PDE11A: variants seen among roughly 807,000 people sequenced by gnomAD.
PDE11A encodes phosphodiesterase 11A.
Under a neutral mutation model 100.5 loss-of-function variants are expected in PDE11A, and 100 were observed. That is an observed-to-expected ratio of 1.00 (90% CI 0.85 to 1.18). The LOEUF (loss-of-function observed/expected upper bound fraction) is 1.18. Ranked by LOEUF, PDE11A falls within the 50% of genes most tolerant of loss-of-function variation. The pLI, the probability that PDE11A is intolerant of heterozygous loss-of-function variation, is 0.00. For synonymous variants in PDE11A, 381 were observed against 420.8 expected (o/e 0.91, Z 1.16); for missense variants, 1,141 against 1,152.6 (o/e 0.99, Z 0.15).
intron 10 of PDE11A, among the ~76,000 whole-genome samples, chr2:177,761,708 T>C (rs913545537): frequency 6.6e-6 from 1 of 152,156 alleles, no homozygotes; most frequent in Non-Finnish European, 1.5e-5. Flanking sequence ...TAGCGATTTA[T>C]ATATACAGAT....
At chr2:177,934,569 C>T (rs914632989) in intron 2 of PDE11A, among the ~76,000 whole-genome samples, 1 of 152,194 alleles carries the variant, frequency 6.6e-6, no homozygotes, top group Non-Finnish European at 1.5e-5. Context: ...CTGTGGAAAG[C>T]AGTTTAGAGA....
chr2:178,031,969 T>C (rs1193341566), intron 1 of PDE11A, among the ~76,000 whole-genome samples: 1 of 152,086 alleles, frequency 6.6e-6, no homozygotes, highest in Non-Finnish European at 1.5e-5. Context: ...GTGATAGTAA[T>C]ACAGGCATAG....
At position 177,627,468 on chromosome 2, in the gene PDE11A, G is replaced by C. The variant is rs1401376934; in HGVS notation, c.*1939C>G. On this transcript the variant is annotated 3_prime_UTR_variant, in exon 20 of 20. Transcript: ENST00000286063. ...TCAGACATTTCCTGAATTGTCTACT[G>C]TGTGCCAGGAAAACAATGTCGCATG... 3 of 151,930 alleles carry C rather than the reference G, an allele frequency of 2.0e-5. No individual in the cohort carries two copies. Among genetic ancestry groups the C allele is most frequent in the African/African-American group, 7.3e-5 (3 of 41,336 alleles). 9.4% of individuals were successfully genotyped at this position (151,930 alleles called of 1,614,324 possible). A position where few individuals can be genotyped will look rare whatever the true frequency, so the allele number is the denominator to read the frequency against.
At chr2:177,777,776 T>G (rs1274422538) in intron 9 of PDE11A, among the ~76,000 whole-genome samples, 1 of 152,176 alleles carries the variant, frequency 6.6e-6, no homozygotes, top group Non-Finnish European at 1.5e-5. Context: ...ATCAGTTAAT[T>G]TTTTCGACAG....
intron 1 of PDE11A, among the ~76,000 whole-genome samples, chr2:178,045,127 AC>A (rs2105852043): frequency 6.6e-6 from 1 of 152,316 alleles, no homozygotes; most frequent in Admixed American, 6.5e-5. Context: ...TTGCTTGTAT[AC>A]ACTAGAGCTT....
chr2:177,950,682 T>C (rs71423522), intron 2 of PDE11A, among the ~76,000 whole-genome samples: 9,556 of 152,250 alleles, frequency 0.063, 314 homozygotes, highest in South Asian at 0.094. Context: ...GAGGCCGAGT[T>C]GGGCAGATCA....
intron 15 of PDE11A, among the ~76,000 whole-genome samples, chr2:177,691,444 T>G (rs1201197108): frequency 2.0e-5 from 3 of 152,190 alleles, no homozygotes; most frequent in Non-Finnish European, 4.4e-5. Context: ...AAAGTGTGTT[T>G]GGAACTAGCT....
intron 1 of PDE11A, among the ~76,000 whole-genome samples, chr2:178,025,287 A>G (rs2086465070): frequency 6.6e-6 from 1 of 152,212 alleles, no homozygotes; most frequent in Non-Finnish European, 1.5e-5. Context: ...TACTTGCTAA[A>G]TGTTTAAAGG....
chr2:177,698,034 C>T (rs2081140748), intron 14 of PDE11A, among the ~76,000 whole-genome samples: 1 of 152,170 alleles, frequency 6.6e-6, no homozygotes, highest in Non-Finnish European at 1.5e-5. Flanking sequence ...CTACACATCC[C>T]ATGATGCACA....
intron 6 of PDE11A, among the ~76,000 whole-genome samples, chr2:177,838,121 T>C (rs111421210): frequency 0.075 from 11,349 of 152,258 alleles, 787 homozygotes; most frequent in African/African-American, 0.18. Flanking sequence ...ACAGATCCCA[T>C]TTTGTGAGAA....
intron 4 of PDE11A, chr2:177,888,639 C>A: frequency 2.2e-6 from 2 of 906,750 alleles, no homozygotes; most frequent in Non-Finnish European, 2.6e-6. Context: ...AGGCAATCCA[C>A]AAAACCAAGC....
At chr2:177,744,275 C>T (rs942836022) in intron 10 of PDE11A, among the ~76,000 whole-genome samples, 6 of 151,358 alleles carry the variant, frequency 4.0e-5, no homozygotes, top group African/African-American at 1.5e-4. Context: ...CCCCTGAAGT[C>T]TGTCTGTGAT....
intron 5 of PDE11A, among the ~76,000 whole-genome samples, chr2:177,874,472 C>A (rs773165692): frequency 2.0e-5 from 3 of 152,134 alleles, no homozygotes; most frequent in Non-Finnish European, 2.9e-5. Flanking sequence ...TATTTTTTAA[C>A]CCTTCCTCTA....
intron 1 of PDE11A, among the ~76,000 whole-genome samples, chr2:178,034,355 G>A (rs1172612743): frequency 6.6e-6 from 1 of 152,174 alleles, no homozygotes; most frequent in Non-Finnish European, 1.5e-5. Context: ...CCCAATACAG[G>A]AGCACTCAGA....
chr2:177,777,717 A>G (rs987586053), intron 9 of PDE11A, among the ~76,000 whole-genome samples: 2 of 152,220 alleles, frequency 1.3e-5, no homozygotes, highest in African/African-American at 2.4e-5. Context: ...TAAATATACT[A>G]TCATACTCTA....
At chr2:177,893,974 ATCT>A (rs1468743325) in intron 4 of PDE11A, among the ~76,000 whole-genome samples, 1 of 152,182 alleles carries the variant, frequency 6.6e-6, no homozygotes, top group African/African-American at 2.4e-5. Flanking sequence ...ATTCTTGCTA[ATCT>A]TCTAACTTGG....
At chr2:177,703,083 T>C (rs773816171) in intron 13 of PDE11A, among the ~76,000 whole-genome samples, 1 of 152,192 alleles carries the variant, frequency 6.6e-6, no homozygotes, top group Non-Finnish European at 1.5e-5. Context: ...ATAGAGTAAG[T>C]GCTTTAAAAA....
At chr2:177,638,495 G>C (rs2080087925) in intron 19 of PDE11A, among the ~76,000 whole-genome samples, 1 of 152,114 alleles carries the variant, frequency 6.6e-6, no homozygotes, top group African/African-American at 2.4e-5. Flanking sequence ...TGTATTGATT[G>C]ATTTTTCTAA....
chr2:177,988,154 T>C (rs2085962339), intron 2 of PDE11A, among the ~76,000 whole-genome samples: 1 of 152,222 alleles, frequency 6.6e-6, no homozygotes, highest in South Asian at 2.1e-4. Flanking sequence ...GAGCCTTCTA[T>C]AATTATCCTG....
Sources: gnomAD v4.1 joint callset for allele counts (sites outside exome capture counted in the v4.1 genomes callset) on GRCh38, gnomAD v4.1.1 for gene constraint, MANE v1.5 for transcripts, NCBI Gene and HGNC (gene_info 2026-07-23, HGNC 2026-07-21) for gene names.